AP3M2: variants seen among roughly 807,000 people sequenced by gnomAD.
AP3M2 encodes adaptor related protein complex 3 subunit mu 2, also known as AP-3 complex subunit mu-2.
Under a neutral mutation model 41.6 loss-of-function variants are expected in AP3M2, and 28 were observed. That is an observed-to-expected ratio of 0.67 (90% confidence interval 0.50 to 0.92). The LOEUF is 0.92. AP3M2 is among the 40% of genes least tolerant of loss of function. The probability of loss-of-function intolerance (pLI) is 0.00; values close to 1 mark genes in which losing one functional copy is unlikely to be tolerated. For synonymous variants in AP3M2, 193 were observed against 186.4 expected (o/e 1.04, Z -0.29); for missense variants, 427 against 521.4 (o/e 0.82, Z 1.76).
At chr8:42,162,515 A>G (rs146949364) in intron 4 of AP3M2, 97 bp downstream of exon 4, 1 of 1,408,048 alleles carries the variant, frequency 7.1e-7, no homozygotes, top group Non-Finnish European at 9.6e-7. Context: ...ATTCAAGGTC[A>G]TCCACTTCAA....
intron 4 of AP3M2, 142 bp downstream of exon 4, chr8:42,162,560 G>A (rs775975581): frequency 1.4e-5 from 13 of 927,134 alleles, no homozygotes; most frequent in Non-Finnish European, 1.9e-5. Context: ...ACTGTGCTGG[G>A]TACTGGGAAT....
Position 42,169,406 on chromosome 8 carries a change from T to C in AP3M2, c.*345T>C, listed in dbSNP as rs1051466395. ...AATTATCTAAAGCCAATGAAAGACT[T>C]CTTTGTTGATTTTTTAAGATAGAAA... On this transcript the variant is annotated 3_prime_UTR_variant, in exon 9 of 9. Coordinates refer to ENST00000396926, the MANE Select transcript of AP3M2 (RefSeq NM_006803.4). 5.8e-6 allele frequency: 1 copy of C among 172,380 alleles called. No individual in the cohort carries two copies. Among genetic ancestry groups the C allele is most frequent in the Admixed American group, 6.3e-5 (1 of 15,940 alleles). 10.7% of individuals were successfully genotyped at this position (172,380 alleles called of 1,614,324 possible).
intron 3 of AP3M2, among the ~76,000 whole-genome samples, chr8:42,159,374 G>T (rs1416542380): frequency 6.6e-6 from 1 of 152,176 alleles, no homozygotes; most frequent in African/African-American, 2.4e-5. Flanking sequence ...GCACTGTAGT[G>T]AACCCTGTTA....
At chr8:42,161,501 C>T (rs567125548) in intron 3 of AP3M2, among the ~76,000 whole-genome samples, 1 of 151,686 alleles carries the variant, frequency 6.6e-6, no homozygotes, top group African/African-American at 2.4e-5. Context: ...CCCAGCTACT[C>T]GGGAGGCTGA....
chr8:42,155,294 T>C (rs910297881), intron 2 of AP3M2, among the ~76,000 whole-genome samples: 1 of 152,232 alleles, frequency 6.6e-6, no homozygotes, highest in African/African-American at 2.4e-5. Flanking sequence ...ACCATTGTTA[T>C]CTGCATTGCT....
chr8:42,160,529 T>C (rs1804481378), intron 3 of AP3M2, among the ~76,000 whole-genome samples: 1 of 152,236 alleles, frequency 6.6e-6, no homozygotes, highest in African/African-American at 2.4e-5. Context: ...AAACACAGAC[T>C]TTATAATTAT....
In AP3M2 at chr8:42,157,960, C is replaced by T. The variant is rs756070731; in HGVS notation, c.293C>T (p.Ser98Leu). Residue 98 changes from serine (S) to leucine (L), a missense_variant, in exon 3 of 9, where the codon TCA becomes TTA. By Grantham distance (145) the Ser-to-Leu change is moderately radical. Around this residue, in one of 3 missense-constraint regions of AP3M2, gnomAD observed 86 missense variants for 142.6 expected, o/e 0.60. Transcript: ENST00000396926. ...CATCAGGATTATTTTGGAGTCTGTT[C>T]AGAGCCAGTGATCAAAGACAATGTA... ...DTFQDYFGVC[S>L]EPVIKDNVVV... 1.2e-6 allele frequency: 2 copies of T among 1,613,768 alleles called. No individual in the cohort carries two copies. The highest frequency in any genetic ancestry group is 2.2e-5 in the East Asian group (1 of 44,874).
intron 3 of AP3M2, among the ~76,000 whole-genome samples, chr8:42,160,059 C>A (rs1350838009): frequency 6.6e-6 from 1 of 151,924 alleles, no homozygotes; most frequent in African/African-American, 2.4e-5. Flanking sequence ...TTTAACATCC[C>A]AAATCCAAAA....
At position 42,154,905 on chromosome 8, in the gene AP3M2, A is replaced by T; in HGVS notation, c.218A>T (p.Glu73Val). The T allele has an allele frequency of 6.2e-7, 1 of 1,614,172 alleles. No homozygotes were observed. The highest frequency in any genetic ancestry group is 8.5e-7 in the Non-Finnish European group (1 of 1,180,034). ...TTTTTTGTGGCCGTGATCCAGACGG[A>T]GGTCCCCCCTCTGTTTGTCATTGAG... ...KIFFVAVIQT[E>V]VPPLFVIEFL... is the part of the protein sequence containing the mutation. The change falls in exon 2 of 9, where the codon GAG becomes GTG. Residue 73 changes from glutamate (E) to valine (V), a missense_variant. By Grantham distance (121) the Glu-to-Val change is moderately radical (BLOSUM62 -2). This residue lies in a region of AP3M2 where 104 missense variants were observed against 93.8 expected (regional missense o/e 1.11). Transcript: ENST00000396926.
chr8:42,153,450 G>A (rs2150955882), intron 1 of AP3M2: 2 of 152,552 alleles, frequency 1.3e-5, no homozygotes, highest in Admixed American at 1.3e-4. Flanking sequence ...CCTGCGCAGG[G>A]ACCGCCTGCC....
chr8:42,157,185 A>G (rs1804377070), intron 2 of AP3M2, among the ~76,000 whole-genome samples: 1 of 152,242 alleles, frequency 6.6e-6, no homozygotes, highest in Non-Finnish European at 1.5e-5. Context: ...TATAGTTTAC[A>G]AAGTACATTC....
Position 42,167,329 on chromosome 8 carries a change from T to C in AP3M2, c.969T>C (p.Leu323=), listed in dbSNP as rs765472839. The C allele has an allele frequency of 2.5e-6, 4 of 1,614,174 alleles. No homozygotes were observed. Among genetic ancestry groups the C allele is most frequent in the Admixed American group, 1.7e-5 (1 of 60,028 alleles). ...QMPKGVLNMS[L]TPSQGTHTFD... ...CCAAGGGGGTCCTGAACATGAGCCT[T>C]ACTCCATCACAGGGGACACACACAT... is the stretch of plus-strand genomic sequence containing the variant. The change falls in exon 7 of 9, where the codon CTT becomes CTC. Residue 323 remains leucine (L), a synonymous_variant. Transcript: ENST00000396926.
chr8:42,161,346 C>A (rs970372454), intron 3 of AP3M2, among the ~76,000 whole-genome samples: 1 of 152,106 alleles, frequency 6.6e-6, no homozygotes, highest in African/African-American at 2.4e-5. Context: ...CATGGTGGCT[C>A]ACATCTGTAA....
intron 3 of AP3M2, 26 bp downstream of exon 3, chr8:42,158,138 A>G (rs766684336): frequency 1.1e-5 from 17 of 1,602,634 alleles, no homozygotes; most frequent in Non-Finnish European, 1.4e-5. Flanking sequence ...AAACTGATAG[A>G]TAGTGGCCAT....
chr8:42,153,326 C>CTG (rs902312281), intron 1 of AP3M2: 56 of 152,088 alleles, frequency 3.7e-4, no homozygotes, highest in Admixed American at 3.1e-3. Context: ...CGTGCGCTCG[C>CTG]TGGCGCGGCC....
Position 42,167,801 on chromosome 8 carries a change from G to C in AP3M2, c.1147G>C (p.Ala383Pro). 6.2e-7 allele frequency: 1 copy of C among 1,611,700 alleles called. No individual in the cohort carries two copies. Among genetic ancestry groups the C allele is most frequent in the Non-Finnish European group, 8.5e-7 (1 of 1,179,408 alleles). The change falls in exon 8 of 9, where the codon GCC (alanine) becomes CCC (proline). Residue 383 changes from alanine to proline, a missense_variant. Ala to Pro is a conservative substitution (Grantham distance 27, BLOSUM62 -1). Transcript: ENST00000396926. Reference sequence around the variant, plus strand: ...CCTGCAGTTTAAGATCCAGCAGCTGGCCATTTCTGGTAAGTGACCCAGAGC... The same window carrying C: ...CCTGCAGTTTAAGATCCAGCAGCTGCCCATTTCTGGTAAGTGACCCAGAGC... ...INLQFKIQQLAISGLKVNRLD... is the reference protein window; with the variant it reads ...INLQFKIQQLPISGLKVNRLD...
intron 3 of AP3M2, among the ~76,000 whole-genome samples, chr8:42,161,199 A>C (rs760461692): frequency 6.6e-6 from 1 of 152,172 alleles, no homozygotes; most frequent in Non-Finnish European, 1.5e-5. Flanking sequence ...GCTACTCTGA[A>C]GGCTAAGGTG....
intron 2 of AP3M2, among the ~76,000 whole-genome samples, chr8:42,157,237 C>G (rs1406942043): frequency 6.6e-6 from 1 of 152,144 alleles, no homozygotes; most frequent in Non-Finnish European, 1.5e-5. Flanking sequence ...ATTCTTACAG[C>G]CCTGTACCTC....
In AP3M2 at chr8:42,167,707, A is replaced by T. The variant is rs373289691; in HGVS notation, c.1053A>T (p.Leu351=). 2 of 1,613,380 alleles carry T rather than the reference A, an allele frequency of 1.2e-6. No homozygotes were observed. The highest frequency in any genetic ancestry group is 4.5e-5 in the East Asian group (2 of 44,878). The change falls in exon 8 of 9, where the codon CTA becomes CTT. Residue 351 remains leucine, a synonymous_variant. Coordinates refer to ENST00000396926, the MANE Select transcript of AP3M2 (RefSeq NM_006803.4). ...WDVGKINPQK[L]PSLKGTMSLQ... ...TAGGAAAAATAAATCCACAAAAGCT[A>T]CCAAGTTTGAAGGGGACCATGAGTC...
Sources: allele counts gnomAD v4.1 joint callset (sites outside exome capture counted in the v4.1 genomes callset), GRCh38; gene constraint gnomAD v4.1.1; regional missense constraint gnomAD v4.1.1; transcripts MANE v1.5; gene names NCBI Gene and HGNC (gene_info 2026-07-23, HGNC 2026-07-21).